The following SCN11A variants were observed in gnomAD, a reference collection of about 807,000 sequenced individuals.
SCN11A encodes the protein sodium channel protein type 11 subunit alpha.
Under a neutral mutation model 162.2 loss-of-function variants are expected in SCN11A, and 122 were observed. That is an observed-to-expected ratio of 0.75 (90% CI 0.65 to 0.87). SCN11A has a LOEUF of 0.87. Ranked by LOEUF, SCN11A falls within the 40% of genes least tolerant of loss-of-function variation. The pLI, the probability that SCN11A is intolerant of heterozygous loss-of-function variation, is 0.00. For missense variants in SCN11A, 2,015 were observed against 2,181.6 expected (o/e 0.92, Z 1.52); for synonymous variants, 758 against 751.5 (o/e 1.01, Z -0.14).
At chr3:39,018,678 T>C (rs958225783) in intron 2 of SCN11A, among the ~76,000 whole-genome samples, 1 of 151,938 alleles carries the variant, frequency 6.6e-6, no homozygotes, top group African/African-American at 2.4e-5. Context: ...ATTAGCCAGG[T>C]GTGGTGGCGG....
intron 6 of SCN11A, among the ~76,000 whole-genome samples, chr3:38,946,308 C>A (rs2066515962): frequency 6.6e-6 from 1 of 152,164 alleles, no homozygotes; most frequent in South Asian, 2.1e-4. Context: ...TGGGAACCTA[C>A]CCTTGCCAGT....
At chr3:38,963,856 A>G (rs1278837125) in intron 2 of SCN11A, among the ~76,000 whole-genome samples, 2 of 152,128 alleles carry the variant, frequency 1.3e-5, no homozygotes, top group African/African-American at 4.8e-5. Context: ...TACCACCTGT[A>G]CCCCAATAAC....
intron 29 of SCN11A, chr3:38,849,724 T>C (rs760336533): frequency 3.3e-5 from 5 of 152,210 alleles, no homozygotes; most frequent in Non-Finnish European, 7.3e-5. Context: ...TTAAAGTTGA[T>C]GTGTGTATGT....
intron 2 of SCN11A, among the ~76,000 whole-genome samples, chr3:38,976,189 C>T (rs898858636): frequency 1.3e-5 from 2 of 152,154 alleles, no homozygotes; most frequent in Non-Finnish European, 2.9e-5. Flanking sequence ...AATCCAGTTA[C>T]ATGCTTGTTA....
intron 28 of SCN11A, among the ~76,000 whole-genome samples, chr3:38,861,412 CA>C (rs1269846548): frequency 6.6e-6 from 1 of 151,910 alleles, no homozygotes; most frequent in Non-Finnish European, 1.5e-5. Flanking sequence ...CATATGGAAC[CA>C]AAAAAGAGCC....
intron 9 of SCN11A, among the ~76,000 whole-genome samples, chr3:38,922,274 C>T (rs2066065955): frequency 6.6e-6 from 1 of 152,174 alleles, no homozygotes; most frequent in Non-Finnish European, 1.5e-5. Flanking sequence ...TAGCAGGAAC[C>T]TGGAGGCCAA....
At chr3:38,943,952 C>T (rs564309931) in intron 7 of SCN11A, among the ~76,000 whole-genome samples, 1 of 152,126 alleles carries the variant, frequency 6.6e-6, no homozygotes, top group Non-Finnish European at 1.5e-5. Flanking sequence ...TTCAAAATAG[C>T]TAGAAGAGAA....
rs574809238 is a variant in SCN11A, at chr3:38,926,387, T to C, written c.617+416A>G. 8.5e-5 allele frequency among the ~76,000 whole-genome samples: 13 copies of C among 152,316 alleles called. No individual in the cohort carries two copies. In the South Asian group the frequency reaches 1.7e-3, roughly 19 times the overall value. On this transcript the variant is annotated intron_variant, in intron 8 of 29. Transcript: ENST00000302328. Reference sequence around the variant, plus strand: ...ATATTCTCTGACAGCTTAATACATGTATAGCCCCTATCCTGGTACTCATCA... The same window carrying C: ...ATATTCTCTGACAGCTTAATACATGCATAGCCCCTATCCTGGTACTCATCA...
chr3:38,860,409 T>C (rs1034336305), intron 28 of SCN11A, among the ~76,000 whole-genome samples: 10 of 152,082 alleles, frequency 6.6e-5, no homozygotes, highest in African/African-American at 2.4e-4. Context: ...AGTATCACCC[T>C]AATACCAAAA....
chr3:38,909,227 A>G, intron 12 of SCN11A, 33 bp from the exon 13 acceptor site: 1 of 1,605,256 alleles, frequency 6.2e-7, no homozygotes, highest in Non-Finnish European at 8.5e-7. Context: ...TTGAATATCA[A>G]ACCTTCTTCC....
In SCN11A at chr3:38,987,676, C is replaced by T. The variant is rs185677669; in HGVS notation, c.-279-27253G>A. Among the ~76,000 whole-genome samples the T allele has an allele frequency of 4.6e-5, 7 of 152,280 alleles. No individual in the cohort carries two copies. The East Asian group carries it at 5.8e-4, about 13-fold the overall frequency. The stretch of plus-strand genomic sequence containing the variant: ...CTGGACACTGGCACTTCAGTGAAGC[C>T]TAGTTGATCAAATTTGATGAATCTT... On this transcript the variant is annotated intron_variant, in intron 2 of 29. Transcript: ENST00000302328.
intron 11 of SCN11A, among the ~76,000 whole-genome samples, chr3:38,910,822 G>T (rs2065877302): frequency 6.6e-6 from 1 of 152,122 alleles, no homozygotes; most frequent in Admixed American, 6.6e-5. Flanking sequence ...TTTGGGCAAT[G>T]AATATCTTTG....
chr3:38,906,024 C>CT (rs1392978418), intron 14 of SCN11A, among the ~76,000 whole-genome samples: 3 of 152,194 alleles, frequency 2.0e-5, no homozygotes, highest in Non-Finnish European at 2.9e-5. Flanking sequence ...AGGGAACTAT[C>CT]TTTTTTGTGA....
intron 20 of SCN11A, 49 bp downstream of exon 20, chr3:38,886,076 G>A (rs548333836): frequency 8.7e-7 from 1 of 1,151,996 alleles, no homozygotes; most frequent in Middle Eastern, 2.6e-4. Flanking sequence ...CCTGGAGAAG[G>A]TGTGTGGATG....
rs2066662619 is a variant in SCN11A, at chr3:38,954,883, G to A, written c.-138-1124C>T. On this transcript the variant is annotated intron_variant, in intron 3 of 29. Transcript: ENST00000302328. ...ATGCACCTGTAATCCCAGCCACTCG[G>A]GAGGCTGAGCAGGAGAATCAGTTGA... Among the ~76,000 whole-genome samples, 5 of 152,084 alleles carry A rather than the reference G, an allele frequency of 3.3e-5. No individual in the cohort carries two copies. The South Asian group carries it at 1.0e-3, about 32-fold the overall frequency.
intron 1 of SCN11A, among the ~76,000 whole-genome samples, chr3:39,047,019 CCCCCCACCCCCCACCCCCA>C: frequency 9.1e-6 from 1 of 109,634 alleles, no homozygotes; most frequent in Non-Finnish European, 1.9e-5. Context: ...TTGCACACAG[CCCCCCACCCCCCACCCCCA>C]CCCCCATCCC....
At chr3:39,026,798 T>C (rs1475988204) in intron 2 of SCN11A, among the ~76,000 whole-genome samples, 4 of 152,092 alleles carry the variant, frequency 2.6e-5, no homozygotes, top group African/African-American at 9.7e-5. Flanking sequence ...GGTTGAGGAA[T>C]TTCATCAGAT....
In SCN11A at chr3:38,915,361, T is replaced by G. The variant is rs971549847; in HGVS notation, c.959+4574A>C. On this transcript the variant is annotated intron_variant, in intron 11 of 29. Transcript: ENST00000302328. ...CCTTATTTTTTGTCTTCTGCTAGCT[T>G]TGCTCTTGCTTCTCTAACTCTTTCC... Among the ~76,000 whole-genome samples the G allele has an allele frequency of 3.3e-5, 5 of 152,150 alleles. No homozygotes were observed. The East Asian group carries it at 9.6e-4, about 29-fold the overall frequency.
chr3:38,892,913 T>A (rs1043222932), intron 19 of SCN11A, among the ~76,000 whole-genome samples: 7 of 151,990 alleles, frequency 4.6e-5, no homozygotes, highest in Non-Finnish European at 8.8e-5. Flanking sequence ...CTAGAAAATA[T>A]TTACTTAATG....
Sources: allele counts gnomAD v4.1 joint callset (sites outside exome capture counted in the v4.1 genomes callset), GRCh38; gene constraint gnomAD v4.1.1; transcripts MANE v1.5; gene names NCBI Gene and HGNC (gene_info 2026-07-23, HGNC 2026-07-21).